The following FBH1 variants were observed in gnomAD, a reference collection of about 807,000 sequenced individuals.
FBH1 encodes F-box DNA helicase 1, also known as DNA 3'-5' helicase 1.
In FBH1, 43 loss-of-function variants were observed where a neutral mutation model predicts 115.5. The ratio of observed to expected loss-of-function variants is 0.37; its 90% CI spans 0.29 to 0.48. FBH1 has a LOEUF of 0.48. FBH1 is among the 20% of genes least tolerant of loss of function. The pLI, the probability that FBH1 is intolerant of heterozygous loss-of-function variation, is 0.99. For synonymous variants in FBH1, 524 were observed against 507.8 expected, an observed-to-expected ratio of 1.03 and a Z score of -0.43; for missense variants, 1,001 against 1,337.3, an observed-to-expected ratio of 0.75 and a Z score of 3.92.
rs536890810 is a variant in FBH1, at chr10:5,900,866, G to A, written c.2-2154G>A. ...AATCCCAGCACTTTGGGAGGCCGAGGTGGACGGATCACTTGAGGCCAGGAG... is the reference window on the plus strand; with the variant it reads ...AATCCCAGCACTTTGGGAGGCCGAGATGGACGGATCACTTGAGGCCAGGAG... On this transcript the variant is annotated intron_variant, in intron 1 of 20. Transcript: ENST00000362091. This position sits in a 1 kb window ranked among gnomAD's most constrained non-coding sequence, Gnocchi z 4.2. Among the ~76,000 whole-genome samples the A allele has an allele frequency of 3.3e-5, 5 of 152,300 alleles. No homozygotes were observed. Among genetic ancestry groups the A allele is most frequent in the African/African-American group, 4.8e-5 (2 of 41,554 alleles).
chr10:5,893,974 T>C, intron 1 of FBH1: 1 of 985,136 alleles, frequency 1.0e-6, no homozygotes, highest in Non-Finnish European at 1.2e-6. Flanking sequence ...TTTCTTTCTT[T>C]AGGAAAAACA....
chr10:5,906,628 C>A lies in FBH1; in HGVS notation c.749C>A (p.Pro250Gln), dbSNP rs975726009. The A allele has an allele frequency of 1.9e-6, 3 of 1,601,414 alleles. No individual in the cohort carries two copies. Among genetic ancestry groups the A allele is most frequent in the Admixed American group, 3.3e-5 (2 of 59,746 alleles). The change falls in exon 3 of 21, where the codon CCG becomes CAG. Residue 250 changes from proline (P) to glutamine (Q), a missense_variant. Coordinates refer to ENST00000362091, the MANE Select transcript of FBH1 (RefSeq NM_178150.3). The surrounding 1 kb of genome is among the most constrained non-coding windows in gnomAD (Gnocchi z 7.3). ...TTGTGGAGGGAGATCATCAGTGACC[C>A]GCTGGTGAGTGAGTGCTGGAGTCGG... ...CHLWREIISD[P>Q]LFIPWKKLYH...
intron 19 of FBH1, among the ~76,000 whole-genome samples, chr10:5,930,131 T>A (rs1696425122): frequency 1.3e-5 from 2 of 152,214 alleles, no homozygotes; most frequent in Non-Finnish European, 2.9e-5. Context: ...CATACCTATA[T>A]GTACACATCT....
rs185482426 is a variant in FBH1, at chr10:5,930,562, G to A, written c.2829+3021G>A. Among the ~76,000 whole-genome samples the A allele has an allele frequency of 1.3e-3, 201 of 152,352 alleles. 3 individuals carry two copies. The Middle Eastern group carries it at 0.031, about 23-fold the overall frequency. ...TGGCAGGCGTGCCCCATGGGAGGCC[G>A]GAGAGGGCTTCGTGCTTTGCCTCGT... On this transcript the variant is annotated intron_variant, in intron 19 of 20. Coordinates refer to ENST00000362091, the MANE Select transcript of FBH1 (RefSeq NM_178150.3).
In FBH1 at chr10:5,906,438, G is replaced by C. The variant is rs148412195; in HGVS notation, c.559G>C (p.Val187Leu). The C allele has an allele frequency of 2.8e-4, 448 of 1,614,232 alleles. 3 individuals are homozygous for C. The South Asian group carries it at 4.4e-3, about 16-fold the overall frequency. ...TGAAACCGACCAAGATGCTGGGGACGTGGGTCCTGATCCCATTCCTGACTC... is the reference window on the plus strand; with the variant it reads ...TGAAACCGACCAAGATGCTGGGGACCTGGGTCCTGATCCCATTCCTGACTC... ...SGETDQDAGDVGPDPIPDSYY... is the reference protein window; with the variant it reads ...SGETDQDAGDLGPDPIPDSYY... The change falls in exon 3 of 21, where the codon GTG (valine) becomes CTG (leucine). Residue 187 changes from valine (V) to leucine (L), a missense_variant. Around this residue, in one of 4 missense-constraint regions of FBH1, gnomAD observed 420 missense variants for 430.4 expected, o/e 0.98. Transcript: ENST00000362091. This position sits in a 1 kb window ranked among gnomAD's most constrained non-coding sequence, Gnocchi z 7.3.
rs1206833776 is a variant in FBH1, at chr10:5,921,494, G to T, written c.2247G>T (p.Arg749=). ...DAKGQVALLS[R]TNANVFDEAV... ...AGGGGCAAGTGGCCTTGTTGTCCCG[G>T]ACCAACGCCAACGTGTTTGATGAGG... The change falls in exon 15 of 21, where the codon CGG becomes CGT. Residue 749 remains arginine, a synonymous_variant. Coordinates refer to ENST00000362091, the MANE Select transcript of FBH1 (RefSeq NM_178150.3). This position sits in a 1 kb window ranked among gnomAD's most constrained non-coding sequence, Gnocchi z 6.4. The T allele has an allele frequency of 9.4e-6, 15 of 1,601,570 alleles. No individual in the cohort carries two copies. Among genetic ancestry groups the T allele is most frequent in the Non-Finnish European group, 1.2e-5 (14 of 1,176,982 alleles).
rs927160153 is a variant in FBH1 at position 5,911,352 on chromosome 10, T to C, written c.1211+224T>C. Among the ~76,000 whole-genome samples, 4 of 152,238 alleles carry C rather than the reference T, an allele frequency of 2.6e-5. No individual in the cohort carries two copies. The highest frequency in any genetic ancestry group is 2.4e-5 in the African/African-American group (1 of 41,458). On this transcript the variant is annotated intron_variant, in intron 6 of 20. Transcript: ENST00000362091. The surrounding 1 kb of genome is among the most constrained non-coding windows in gnomAD (Gnocchi z 5.4). ...CGTGCAGTTCTGAGCGGCTGCGAGATACCACTAAGGCTGATTTTACCATCA... is the reference window on the plus strand; with the variant it reads ...CGTGCAGTTCTGAGCGGCTGCGAGACACCACTAAGGCTGATTTTACCATCA...
Position 5,931,172 on chromosome 10 carries a change from C to T in FBH1, c.2829+3631C>T, listed in dbSNP as rs1256096574. Among the ~76,000 whole-genome samples, 5 of 152,372 alleles carry T rather than the reference C, an allele frequency of 3.3e-5. No homozygotes were observed. The highest frequency in any genetic ancestry group is 7.3e-5 in the Non-Finnish European group (5 of 68,036). On this transcript the variant is annotated intron_variant, in intron 19 of 20. Transcript: ENST00000362091. The surrounding 1 kb of genome is among the most constrained non-coding windows in gnomAD (Gnocchi z 4.3). ...AGAAGATGGGATCTGCCAGCCATCA[C>T]GGAGCTGTCCTGGTGGCCCCTGGCC...
Position 5,923,557 on chromosome 10 carries a change from A to G in FBH1, c.2323-64A>G. 1.4e-6 allele frequency: 2 copies of G among 1,389,994 alleles called. No individual in the cohort carries two copies. The highest frequency in any genetic ancestry group is 2.0e-6 in the Non-Finnish European group (2 of 988,590). 86.1% of individuals were successfully genotyped at this position (1,389,994 alleles called of 1,614,324 possible). ...TGCTTTATTTTGTTTTGTTAAAGCAACAACAAACAAAACAAAACAAAAAAC... is the reference window on the plus strand; with the variant it reads ...TGCTTTATTTTGTTTTGTTAAAGCAGCAACAAACAAAACAAAACAAAAAAC... On this transcript the variant is annotated intron_variant, in intron 15 of 20. Transcript: ENST00000362091. This position sits in a 1 kb window ranked among gnomAD's most constrained non-coding sequence, Gnocchi z 5.7.
intron 13 of FBH1, among the ~76,000 whole-genome samples, chr10:5,919,772 A>G (rs1832207182): frequency 6.6e-6 from 1 of 152,146 alleles, no homozygotes; most frequent in Non-Finnish European, 1.5e-5. Context: ...TTGAGCTCCT[A>G]CTGCTGTGGT....
intron 1 of FBH1, among the ~76,000 whole-genome samples, chr10:5,890,605 C>A (rs1330940969): frequency 6.6e-6 from 1 of 151,658 alleles, no homozygotes; most frequent in Non-Finnish European, 1.5e-5. Flanking sequence ...CCGCGCTGCC[C>A]CCCGAGGCCA....
At chr10:5,899,468 T>TTTTTTCC (rs1843208005) in intron 1 of FBH1, among the ~76,000 whole-genome samples, 1 of 152,206 alleles carries the variant, frequency 6.6e-6, no homozygotes, top group Admixed American at 6.5e-5. Context: ...TTTATTTTAT[T>TTTTTTCC]TTTTTCCTTT....
intron 1 of FBH1, among the ~76,000 whole-genome samples, chr10:5,890,850 C>T (rs1842673276): frequency 1.3e-5 from 2 of 152,158 alleles, no homozygotes; most frequent in African/African-American, 4.8e-5. Context: ...GAGAGCTGGG[C>T]AGGCTGTGGG....
Position 5,913,368 on chromosome 10 carries a change from G to A in FBH1, c.1212-379G>A, listed in dbSNP as rs1283288966. ...AGAGGCTGGTGTTTTATCCACAGGTGTAGTAAGTATCATTCAAACAAGAGT... is the reference window on the plus strand; with the variant it reads ...AGAGGCTGGTGTTTTATCCACAGGTATAGTAAGTATCATTCAAACAAGAGT... On this transcript the variant is annotated intron_variant, in intron 6 of 20. Coordinates refer to ENST00000362091, the MANE Select transcript of FBH1 (RefSeq NM_178150.3). The surrounding 1 kb of genome is among the most constrained non-coding windows in gnomAD (Gnocchi z 4.4). Among the ~76,000 whole-genome samples, 2 of 152,074 alleles carry A rather than the reference G, an allele frequency of 1.3e-5. No individual in the cohort carries two copies. Among genetic ancestry groups the A allele is most frequent in the African/African-American group, 2.4e-5 (1 of 41,410 alleles).
At chr10:5,901,993 C>T (rs1843375180) in intron 1 of FBH1, among the ~76,000 whole-genome samples, 1 of 152,124 alleles carries the variant, frequency 6.6e-6, no homozygotes, top group Non-Finnish European at 1.5e-5. Context: ...ATAAGAATTA[C>T]CTGAAAGAAG....
chr10:5,929,914 G>A (rs1170437401), intron 19 of FBH1: 1 of 152,148 alleles, frequency 6.6e-6, no homozygotes, highest in African/African-American at 2.4e-5. Flanking sequence ...AGACCCTCCA[G>A]TATGGTTTTC....
At position 5,917,598 on chromosome 10, in the gene FBH1, A is replaced by G; in HGVS notation, c.1885A>G (p.Lys629Glu). The G allele has an allele frequency of 1.2e-6, 2 of 1,614,108 alleles. No individual in the cohort carries two copies. The highest frequency in any genetic ancestry group is 1.7e-6 in the Non-Finnish European group (2 of 1,180,016). Residue 629 changes from lysine (K) to glutamate (E), a missense_variant, in exon 12 of 21, where the codon AAA becomes GAA. This residue lies in a region of FBH1 where 521 missense variants were observed against 811.0 expected (regional missense o/e 0.64). Coordinates refer to ENST00000362091, the MANE Select transcript of FBH1 (RefSeq NM_178150.3). The surrounding 1 kb of genome is among the most constrained non-coding windows in gnomAD (Gnocchi z 5.6). ...GTCTCTCCTTATTTTAGGCTACTTG[A>G]AACTCTGGCAGCTGAGCAAGCCTTC... ...AHQMTHDGYL[K>E]LWQLSKPSLA...
Position 5,923,896 on chromosome 10 carries a change from A to C in FBH1, c.2398+200A>C. ...TGACAGATTTTTCCAGATCCTCCTC[A>C]CAGGAGCCTCAGTCTCTTTCCAACA... On this transcript the variant is annotated intron_variant, in intron 16 of 20. Coordinates refer to ENST00000362091, the MANE Select transcript of FBH1 (RefSeq NM_178150.3). The surrounding 1 kb of genome is among the most constrained non-coding windows in gnomAD (Gnocchi z 5.7). 1 of 592,116 alleles carries C rather than the reference A, an allele frequency of 1.7e-6. No individual in the cohort carries two copies. Among genetic ancestry groups the C allele is most frequent in the Non-Finnish European group, 3.0e-6 (1 of 335,446 alleles). 36.7% of individuals were successfully genotyped at this position (592,116 alleles called of 1,614,324 possible).
At position 5,918,200 on chromosome 10, in the gene FBH1, A is replaced by C. The variant is rs1832091124; in HGVS notation, c.1964-142A>C. On this transcript the variant is annotated intron_variant, in intron 12 of 20. Coordinates refer to ENST00000362091, the MANE Select transcript of FBH1 (RefSeq NM_178150.3). The surrounding 1 kb of genome is among the most constrained non-coding windows in gnomAD (Gnocchi z 4.0). ...ATTATAAAATGGCTGCTTTTGATGGAGTGTGCCTGTCCTACAGGAAAAGGC... is the reference window on the plus strand; with the variant it reads ...ATTATAAAATGGCTGCTTTTGATGGCGTGTGCCTGTCCTACAGGAAAAGGC... 14 of 867,058 alleles carry C rather than the reference A, an allele frequency of 1.6e-5. No individual in the cohort carries two copies. The highest frequency in any genetic ancestry group is 2.3e-5 in the Non-Finnish European group (13 of 559,178). 53.7% of individuals were successfully genotyped at this position (867,058 alleles called of 1,614,324 possible). A position where few individuals can be genotyped will look rare whatever the true frequency, so the allele number is the denominator to read the frequency against.
Sources: gnomAD v4.1 joint callset for allele counts (sites outside exome capture counted in the v4.1 genomes callset) on GRCh38, gnomAD v4.1.1 for gene constraint, gnomAD v4.1.1 regional missense constraint, Gnocchi (gnomAD v3.1) non-coding constraint, MANE v1.5 for transcripts, NCBI Gene and HGNC (gene_info 2026-07-23, HGNC 2026-07-21) for gene names.